DPP6: variants seen among roughly 807,000 people sequenced by gnomAD.
The protein encoded by DPP6 is dipeptidyl peptidase like 6.
In DPP6, 69 loss-of-function variants were observed where a neutral mutation model predicts 122.6. That is an observed-to-expected ratio of 0.56 (90% CI 0.46 to 0.69). The LOEUF (loss-of-function observed/expected upper bound fraction) is 0.69. DPP6 is among the 30% of genes least tolerant of loss of function. The probability of loss-of-function intolerance (pLI) is 0.00; values close to 1 mark genes in which losing one functional copy is unlikely to be tolerated. For synonymous variants in DPP6, 418 were observed against 433.1 expected, an observed-to-expected ratio of 0.97 and a Z score of 0.43; for missense variants, 928 against 1,116.9, an observed-to-expected ratio of 0.83 and a Z score of 2.41.
At chr7:153,871,936 G>C in the DPP6 span, among the ~76,000 whole-genome samples, 1 of 152,102 alleles carries the variant, frequency 6.6e-6, no homozygotes, top group African/African-American at 2.4e-5. Flanking sequence ...AGCAAACACC[G>C]CTGCGAATAT....
intron 1 of DPP6, chr7:154,305,278 T>A (rs1806222206): frequency 5.3e-6 from 7 of 1,310,348 alleles, no homozygotes; most frequent in Non-Finnish European, 6.8e-6. Context: ...CAGCGGCAGC[T>A]TCCTGCTTCG....
chr7:154,127,163 G>A (rs1369611469), intron 1 of DPP6, among the ~76,000 whole-genome samples: 1 of 152,190 alleles, frequency 6.6e-6, no homozygotes, highest in African/African-American at 2.4e-5. Context: ...TAGCCATAAT[G>A]AATATGGTGT....
the DPP6 span, among the ~76,000 whole-genome samples, chr7:153,796,942 A>G: frequency 6.6e-6 from 1 of 152,206 alleles, no homozygotes; most frequent in African/African-American, 2.4e-5. Flanking sequence ...CTGGGTTACA[A>G]GAAGACTATG....
chr7:154,530,730 T>C (rs569641203), intron 3 of DPP6, among the ~76,000 whole-genome samples: 48 of 152,242 alleles, frequency 3.2e-4, no homozygotes, highest in Admixed American at 2.3e-3. Context: ...AGCAAAGACA[T>C]GGAATCAACC....
At chr7:153,828,031 G>A in the DPP6 span, among the ~76,000 whole-genome samples, 1 of 152,180 alleles carries the variant, frequency 6.6e-6, no homozygotes, top group African/African-American at 2.4e-5. Context: ...TTTGCTTCTG[G>A]CCATGGTGTT....
At chr7:154,739,896 G>T (rs982371595) in intron 8 of DPP6, among the ~76,000 whole-genome samples, 1 of 152,184 alleles carries the variant, frequency 6.6e-6, no homozygotes, top group African/African-American at 2.4e-5. Flanking sequence ...CAGGTTAACC[G>T]CAAACCTCTA....
chr7:154,468,098 G>A (rs1464216232), intron 2 of DPP6, among the ~76,000 whole-genome samples: 1 of 152,174 alleles, frequency 6.6e-6, no homozygotes, highest in Non-Finnish European at 1.5e-5. Context: ...AACATCATTA[G>A]CTTGTAATAT....
intron 1 of DPP6, among the ~76,000 whole-genome samples, chr7:154,365,988 G>T (rs1262240056): frequency 1.3e-5 from 2 of 151,200 alleles, no homozygotes; most frequent in East Asian, 3.9e-4. Flanking sequence ...AAGTGGGGAA[G>T]GGGAAAGGGA....
intron 1 of DPP6, among the ~76,000 whole-genome samples, chr7:153,890,601 C>G (rs560714593): frequency 1.1e-4 from 16 of 151,536 alleles, no homozygotes; most frequent in African/African-American, 3.6e-4. Flanking sequence ...TAAGAGAAGG[C>G]AGATGCACCA....
intron 1 of DPP6, among the ~76,000 whole-genome samples, chr7:154,123,806 C>T (rs1420580640): frequency 1.6e-5 from 2 of 124,714 alleles, no homozygotes; most frequent in African/African-American, 2.8e-5. Flanking sequence ...CGCTCGCTCA[C>T]GGGGCTTACC....
At position 154,377,382 on chromosome 7, in the gene DPP6, C is replaced by G. The variant is rs540340694; in HGVS notation, c.244-68832C>G. Reference sequence around the variant, plus strand: ...CGGTAGGAAATGGAGTGAGGCAGGACCAGTATCGTACCAGTGCTAAGATAA... The same window carrying G: ...CGGTAGGAAATGGAGTGAGGCAGGAGCAGTATCGTACCAGTGCTAAGATAA... On this transcript the variant is annotated intron_variant, in intron 1 of 25. Coordinates refer to ENST00000377770, the MANE Select transcript of DPP6 (RefSeq NM_130797.4). Among the ~76,000 whole-genome samples, 5 of 152,188 alleles carry G rather than the reference C, an allele frequency of 3.3e-5. No individual in the cohort carries two copies. The South Asian group carries it at 1.0e-3, about 32-fold the overall frequency.
At chr7:154,557,597 G>A (rs896788864) in intron 4 of DPP6, among the ~76,000 whole-genome samples, 1 of 152,060 alleles carries the variant, frequency 6.6e-6, no homozygotes, top group Non-Finnish European at 1.5e-5. Flanking sequence ...GACTATAAGA[G>A]GATTGGAATT....
chr7:154,546,636 G>T (rs1398940308), intron 4 of DPP6, among the ~76,000 whole-genome samples: 1 of 151,940 alleles, frequency 6.6e-6, no homozygotes, highest in Non-Finnish European at 1.5e-5. Flanking sequence ...TCTCTAAGCT[G>T]TATCCTTCTT....
intron 6 of DPP6, among the ~76,000 whole-genome samples, chr7:154,642,452 T>C (rs1586793515): frequency 1.3e-5 from 2 of 151,612 alleles, no homozygotes; most frequent in African/African-American, 4.9e-5. Flanking sequence ...TAGCTGGGCA[T>C]GGTGGCGGGT....
chr7:153,992,245 A>G (rs1373324502), intron 1 of DPP6, among the ~76,000 whole-genome samples: 1 of 152,156 alleles, frequency 6.6e-6, no homozygotes, highest in Non-Finnish European at 1.5e-5. Context: ...CTATCTGTTC[A>G]TTTGCAATTG....
At chr7:154,294,687 A>T (rs1805420738) in intron 1 of DPP6, among the ~76,000 whole-genome samples, 2 of 152,224 alleles carry the variant, frequency 1.3e-5, no homozygotes, top group South Asian at 4.1e-4. Context: ...GGAGGGGAGC[A>T]GAGTTTCTGG....
chr7:154,466,660 A>G lies in DPP6; in HGVS notation c.359-8279A>G, dbSNP rs372510169. On this transcript the variant is annotated intron_variant, in intron 2 of 25. Coordinates refer to ENST00000377770, the MANE Select transcript of DPP6 (RefSeq NM_130797.4). ...CTTAAAGGCGCTATCTCCAAATAGA[A>G]TCACATTGGGGGTTAGGGTGTCAAC... is the stretch of plus-strand genomic sequence containing the variant. Among the ~76,000 whole-genome samples, 32 of 152,304 alleles carry G rather than the reference A, an allele frequency of 2.1e-4. No homozygotes were observed. In the South Asian group the frequency reaches 6.2e-3, roughly 30 times the overall value.
intron 1 of DPP6, among the ~76,000 whole-genome samples, chr7:154,340,352 A>G (rs1359256316): frequency 6.6e-6 from 1 of 152,194 alleles, no homozygotes; most frequent in Non-Finnish European, 1.5e-5. Flanking sequence ...CAAAATCCCC[A>G]AACACTTCCC....
In DPP6 at chr7:154,023,318, G is replaced by GCACGCACACGCACACA. The variant is rs373378162; in HGVS notation, c.51+135587_51+135588insGCACACGCACACACAC. On this transcript the variant is annotated intron_variant, in intron 1 of 25. Transcript: ENST00000404039. ...CAGGCTCTGGAAATGTTTCTTGTCT[G>GCACGCACACGCACACA]CACACACACACACACACACACACAC... is the stretch of plus-strand genomic sequence containing the variant. Among the ~76,000 whole-genome samples, 243 of 129,616 alleles carry GCACGCACACGCACACA rather than the reference G, an allele frequency of 1.9e-3. 5 individuals carry two copies. Among genetic ancestry groups the GCACGCACACGCACACA allele is most frequent in the South Asian group, 0.013 (48 of 3,720 alleles). The allele number at this position is 129,616 out of a possible 152,430, so 85.0% of individuals were successfully genotyped here. A position where few individuals can be genotyped will look rare whatever the true frequency, so the allele number is the denominator to read the frequency against.
Sources: gnomAD v4.1 joint callset for allele counts (sites outside exome capture counted in the v4.1 genomes callset) on GRCh38, gnomAD v4.1.1 for gene constraint, MANE v1.5 for transcripts, NCBI Gene and HGNC (gene_info 2026-07-23, HGNC 2026-07-21) for gene names.